The following PSMA8 variants were observed in gnomAD, a reference collection of about 807,000 sequenced individuals.
PSMA8 encodes proteasome subunit alpha-type 8.
A neutral mutation model predicts 32.4 loss-of-function variants in PSMA8; 18 were observed. The ratio of observed to expected loss-of-function variants is 0.56; its 90% CI spans 0.38 to 0.82. The LOEUF (loss-of-function observed/expected upper bound fraction) is 0.82. PSMA8 is among the 40% of genes least tolerant of loss of function. The probability of loss-of-function intolerance (pLI) is 0.00; values close to 1 mark genes in which losing one functional copy is unlikely to be tolerated. For missense variants in PSMA8, 298 were observed against 300.7 expected (o/e 0.99, Z 0.07); for synonymous variants, 104 against 98.1 (o/e 1.06, Z -0.36).
intron 6 of PSMA8, among the ~76,000 whole-genome samples, chr18:26,181,006 T>C (rs1345964383): frequency 6.6e-6 from 1 of 152,132 alleles, no homozygotes; most frequent in East Asian, 1.9e-4. Flanking sequence ...GTAAATGAAA[T>C]GGTGTGAGAT....
intron 4 of PSMA8, among the ~76,000 whole-genome samples, chr18:26,176,518 T>A (rs1406414292): frequency 6.6e-6 from 1 of 152,202 alleles, no homozygotes; most frequent in Non-Finnish European, 1.5e-5. Flanking sequence ...AAAAATTATA[T>A]AAAGTAAAAA....
intron 4 of PSMA8, among the ~76,000 whole-genome samples, chr18:26,165,410 T>A (rs1201249945): frequency 6.6e-6 from 1 of 152,228 alleles, no homozygotes; most frequent in African/African-American, 2.4e-5. Context: ...GTGTTAGTTG[T>A]TCGTTGTACT....
intron 4 of PSMA8, among the ~76,000 whole-genome samples, chr18:26,175,262 T>A (rs2055254740): frequency 6.6e-6 from 1 of 152,170 alleles, no homozygotes; most frequent in South Asian, 2.1e-4. Flanking sequence ...TGTCCTTCCT[T>A]AGGGTCACAT....
At position 26,133,884 on chromosome 18, in the gene PSMA8, CA is replaced by C. The variant is rs1291881233; in HGVS notation, c.-81del. 11 of 1,217,040 alleles carry C rather than the reference CA, an allele frequency of 9.0e-6. No individual in the cohort carries two copies. Among genetic ancestry groups the C allele is most frequent in the Admixed American group, 5.3e-5 (3 of 56,740 alleles). 75.4% of individuals were successfully genotyped at this position (1,217,040 alleles called of 1,614,324 possible). Reference sequence around the variant, plus strand: ...GTGTGGAAGCGCTTCCGGGCGGTAGCACGCTGTGTTGGCGGCGGCTCCCCGC... The same window carrying C: ...GTGTGGAAGCGCTTCCGGGCGGTAGCCGCTGTGTTGGCGGCGGCTCCCCGC... On this transcript the variant is annotated 5_prime_UTR_variant, in exon 1 of 7. Coordinates refer to ENST00000415576, the MANE Select transcript of PSMA8 (RefSeq NM_001025096.2).
intron 1 of PSMA8, among the ~76,000 whole-genome samples, chr18:26,135,218 T>C (rs1458875876): frequency 6.6e-6 from 1 of 152,206 alleles, no homozygotes; most frequent in Non-Finnish European, 1.5e-5. Context: ...AAAAGTGCCC[T>C]AGTGACACAA....
At chr18:26,180,358 GTTTGTTTCTGT>G (rs1470526633) in intron 6 of PSMA8, among the ~76,000 whole-genome samples, 1 of 152,072 alleles carries the variant, frequency 6.6e-6, no homozygotes, top group Non-Finnish European at 1.5e-5. Flanking sequence ...TTTTTTGTTT[GTTTGTTTCTGT>G]TTTTGTTTTT....
chr18:26,181,565 A>C (rs962014975), intron 6 of PSMA8, among the ~76,000 whole-genome samples: 1 of 152,242 alleles, frequency 6.6e-6, no homozygotes, highest in East Asian at 1.9e-4. Flanking sequence ...TCAAAAGCCA[A>C]GACAGGTGGA....
intron 4 of PSMA8, among the ~76,000 whole-genome samples, chr18:26,174,522 A>C (rs531566756): frequency 6.6e-6 from 1 of 152,354 alleles, no homozygotes; most frequent in Non-Finnish European, 1.5e-5. Flanking sequence ...GAAAACTGGC[A>C]TCTAATATGC....
intron 4 of PSMA8, among the ~76,000 whole-genome samples, chr18:26,172,112 A>G (rs1346861277): frequency 6.6e-6 from 1 of 152,236 alleles, no homozygotes; most frequent in Non-Finnish European, 1.5e-5. Flanking sequence ...CAAGATTACC[A>G]GCTGCATAGA....
rs746781061 is a variant in PSMA8 at position 26,133,932 on chromosome 18, G to A, written c.-34G>A. The A allele has an allele frequency of 1.9e-6, 3 of 1,567,400 alleles. No individual in the cohort carries two copies. Among genetic ancestry groups the A allele is most frequent in the South Asian group, 1.1e-5 (1 of 89,702 alleles). The stretch of plus-strand genomic sequence containing the variant: ...CCGCTTGCCTCAGCTGCAGCAGCGG[G>A]AAGCTCGGTGGCAAGCCCTTGTAGT... On this transcript the variant is annotated 5_prime_UTR_variant, in exon 1 of 7. Coordinates refer to ENST00000415576, the MANE Select transcript of PSMA8 (RefSeq NM_001025096.2).
intron 4 of PSMA8, among the ~76,000 whole-genome samples, chr18:26,158,587 A>C (rs990237692): frequency 6.6e-6 from 1 of 152,240 alleles, no homozygotes; most frequent in Non-Finnish European, 1.5e-5. Flanking sequence ...TTAACAAAGA[A>C]TTAGATGGAC....
At chr18:26,156,682 AT>A (rs1232952504) in intron 3 of PSMA8, among the ~76,000 whole-genome samples, 1 of 147,918 alleles carries the variant, frequency 6.8e-6, no homozygotes, top group Non-Finnish European at 1.5e-5. Context: ...GTGTGTGTAT[AT>A]TTTATATATA....
intron 1 of PSMA8, among the ~76,000 whole-genome samples, chr18:26,141,713 C>CTTTTTTTTTTTT (rs1011733993): frequency 1.2e-3 from 137 of 109,934 alleles, no homozygotes; most frequent in Middle Eastern, 4.8e-3. Context: ...TTTCTTTTTT[C>CTTTTTTTTTTTT]TTTTTTTTTT....
chr18:26,140,013 G>C (rs1340061213), intron 1 of PSMA8: 1 of 701,430 alleles, frequency 1.4e-6, no homozygotes, highest in Non-Finnish European at 2.6e-6. Flanking sequence ...GAAATTCATA[G>C]ATCTCCATAC....
At chr18:26,182,506 A>G (rs1234409666) in intron 6 of PSMA8, among the ~76,000 whole-genome samples, 1 of 152,210 alleles carries the variant, frequency 6.6e-6, no homozygotes, top group Non-Finnish European at 1.5e-5. Flanking sequence ...CCTAACACTC[A>G]AAAAAAGAAG....
At chr18:26,174,562 A>G (rs1306920954) in intron 4 of PSMA8, among the ~76,000 whole-genome samples, 1 of 152,230 alleles carries the variant, frequency 6.6e-6, no homozygotes, top group African/African-American at 2.4e-5. Context: ...TTAATTTAAA[A>G]GCTATTCTAT....
At chr18:26,142,810 G>T (rs2054969751) in intron 1 of PSMA8, among the ~76,000 whole-genome samples, 2 of 152,060 alleles carry the variant, frequency 1.3e-5, no homozygotes, top group Non-Finnish European at 2.9e-5. Flanking sequence ...CTTTAATAAG[G>T]GCACGAATCC....
intron 4 of PSMA8, among the ~76,000 whole-genome samples, chr18:26,174,979 C>T (rs1396766700): frequency 6.6e-6 from 1 of 152,178 alleles, no homozygotes; most frequent in Non-Finnish European, 1.5e-5. Context: ...AAAATGCTGC[C>T]ATAAAAACTA....
rs768901749 is a variant in PSMA8, at chr18:26,151,943, T to C, written c.315T>C (p.Thr105=). The part of the protein sequence containing the change: ...SHKLTVEDPV[T]VEYITRFIAT... The stretch of plus-strand genomic sequence containing the variant: ...AGCTTACGGTTGAGGACCCAGTCAC[T>C]GTAGAATACATAACTCGCTTCATAG... Residue 105 remains threonine (T), a synonymous_variant, in exon 3 of 7, where the codon ACT becomes ACC. Transcript: ENST00000415576. 1.2e-6 allele frequency: 2 copies of C among 1,610,750 alleles called. No individual in the cohort carries two copies. The highest frequency in any genetic ancestry group is 2.2e-5 in the South Asian group (2 of 90,438).
Sources: allele counts gnomAD v4.1 joint callset (sites outside exome capture counted in the v4.1 genomes callset), GRCh38; gene constraint gnomAD v4.1.1; transcripts MANE v1.5; gene names NCBI Gene and HGNC (gene_info 2026-07-23, HGNC 2026-07-21).